The following MYT1L variants were observed in gnomAD, a reference collection of about 807,000 sequenced individuals.
The protein encoded by MYT1L is myelin transcription factor 1-like protein.
In MYT1L, 12 loss-of-function variants were observed where a neutral mutation model predicts 126.7. That is an observed-to-expected ratio of 0.09 (90% CI 0.06 to 0.15). The LOEUF is 0.15. Ranked by LOEUF, MYT1L falls within the 10% of genes least tolerant of loss-of-function variation. The pLI is 1.00. For missense variants in MYT1L, 979 were observed against 1,585.2 expected, an observed-to-expected ratio of 0.62 and a Z score of 6.49; for synonymous variants, 541 against 604.2, an observed-to-expected ratio of 0.90 and a Z score of 1.53.
chr2:1,817,125 A>G (rs2037782721), intron 21 of MYT1L: 1 of 152,248 alleles, frequency 6.6e-6, no homozygotes, highest in African/African-American at 2.4e-5. Flanking sequence ...CTTGATTACA[A>G]AGTTCCTTAT....
At chr2:2,124,064 C>T (rs991368474) in intron 3 of MYT1L, among the ~76,000 whole-genome samples, 1 of 152,158 alleles carries the variant, frequency 6.6e-6, no homozygotes, top group Non-Finnish European at 1.5e-5. Context: ...CCAATGTTAC[C>T]GCAGATGTAG....
chr2:1,854,109 G>C (rs1056245476), intron 18 of MYT1L, among the ~76,000 whole-genome samples: 1 of 151,826 alleles, frequency 6.6e-6, no homozygotes, highest in Non-Finnish European at 1.5e-5. Flanking sequence ...AAGAACACTG[G>C]ATTAATAAAA....
intron 8 of MYT1L, among the ~76,000 whole-genome samples, chr2:1,946,209 C>G (rs1292942678): frequency 1.3e-5 from 2 of 151,882 alleles, no homozygotes; most frequent in Non-Finnish European, 2.9e-5. Context: ...TGATCTGTCA[C>G]TGTCTCCCAT....
At chr2:1,906,507 A>C (rs1472285244) in intron 13 of MYT1L, among the ~76,000 whole-genome samples, 1 of 152,182 alleles carries the variant, frequency 6.6e-6, no homozygotes, top group Non-Finnish European at 1.5e-5. Flanking sequence ...TTTTTTAAGA[A>C]AAGAAAGTCA....
chr2:1,886,663 A>T, intron 17 of MYT1L, 56 bp from the exon 18 acceptor site: 1 of 1,216,394 alleles, frequency 8.2e-7, no homozygotes, highest in Non-Finnish European at 1.1e-6. Flanking sequence ...GTAACTCCCA[A>T]ACAAACACAA....
intron 8 of MYT1L, among the ~76,000 whole-genome samples, chr2:1,951,416 A>C (rs573522893): frequency 6.6e-6 from 1 of 152,126 alleles, no homozygotes; most frequent in Non-Finnish European, 1.5e-5. Context: ...GACACAACCC[A>C]CAGACCCTCA....
At chr2:1,968,180 T>C (rs937182115) in intron 8 of MYT1L, among the ~76,000 whole-genome samples, 21 of 152,096 alleles carry the variant, frequency 1.4e-4, no homozygotes, top group Non-Finnish European at 2.5e-4. Context: ...CCCGTTGAGG[T>C]TGGACTAAAG....
intron 23 of MYT1L, among the ~76,000 whole-genome samples, chr2:1,799,996 C>T (rs559260351): frequency 2.0e-5 from 3 of 152,330 alleles, no homozygotes; most frequent in Non-Finnish European, 4.4e-5. Flanking sequence ...TTTCCTGAGG[C>T]CTCCCCAGCC....
At chr2:1,817,223 G>A (rs150978787) in intron 21 of MYT1L, among the ~76,000 whole-genome samples, 13 of 152,326 alleles carry the variant, frequency 8.5e-5, no homozygotes, top group East Asian at 5.8e-4. Context: ...AGTTATGTGC[G>A]GTTAATTAAG....
At chr2:2,135,890 T>C (rs1044181156) in intron 3 of MYT1L, among the ~76,000 whole-genome samples, 3 of 152,202 alleles carry the variant, frequency 2.0e-5, no homozygotes, top group Non-Finnish European at 4.4e-5. Context: ...TCGGGTCTCT[T>C]AAGAAAACGT....
rs1366690168 is a variant in MYT1L, at chr2:2,250,508, G to T, written c.-421+33896C>A. Among the ~76,000 whole-genome samples, 6 of 151,210 alleles carry T rather than the reference G, an allele frequency of 4.0e-5. No individual in the cohort carries two copies. In the East Asian group the frequency reaches 5.8e-4, roughly 15 times the overall value. On this transcript the variant is annotated intron_variant, in intron 2 of 24. Coordinates refer to ENST00000647738, the MANE Select transcript of MYT1L (RefSeq NM_001303052.2). Reference sequence around the variant, plus strand: ...GAAAATAGAAGGAATGTTACCAGAGGCTGGGACAGTAGTAAGGGGCCAGGC... The same window carrying T: ...GAAAATAGAAGGAATGTTACCAGAGTCTGGGACAGTAGTAAGGGGCCAGGC...
At chr2:2,180,686 G>C (rs960192779) in intron 2 of MYT1L, among the ~76,000 whole-genome samples, 4 of 149,794 alleles carry the variant, frequency 2.7e-5, no homozygotes, top group Non-Finnish European at 5.9e-5. Flanking sequence ...GTGTGTTTTT[G>C]TATGTACCTG....
rs1280023008 is a variant in MYT1L, at chr2:2,206,209, C to A, written c.-420-33221G>T. Among the ~76,000 whole-genome samples the A allele has an allele frequency of 2.0e-5, 3 of 152,252 alleles. No individual in the cohort carries two copies. In the East Asian group the frequency reaches 5.8e-4, roughly 29 times the overall value. ...GCCAGGCTGGTTTCGAACTCCCGAT[C>A]TCAGATGATCCACTGGCCTCTGCCT... On this transcript the variant is annotated intron_variant, in intron 2 of 24. Transcript: ENST00000647738.
chr2:2,185,789 G>C (rs1342204526), intron 2 of MYT1L, among the ~76,000 whole-genome samples: 1 of 117,322 alleles, frequency 8.5e-6, no homozygotes, highest in Non-Finnish European at 1.7e-5. Flanking sequence ...GGACGCAGCC[G>C]GGCCTTCCGG....
At chr2:1,907,208 A>G (rs1236162309) in intron 13 of MYT1L, among the ~76,000 whole-genome samples, 1 of 151,832 alleles carries the variant, frequency 6.6e-6, no homozygotes, top group Non-Finnish European at 1.5e-5. Flanking sequence ...TCTGGAGAAG[A>G]GAGAACACTC....
intron 2 of MYT1L, among the ~76,000 whole-genome samples, chr2:2,242,654 A>T (rs780176697): frequency 8.5e-5 from 13 of 152,202 alleles, no homozygotes; most frequent in Non-Finnish European, 1.8e-4. Flanking sequence ...CAATCCCATG[A>T]GACTGTGTAT....
chr2:1,900,946 C>T (rs1332555688), intron 14 of MYT1L, among the ~76,000 whole-genome samples: 1 of 152,212 alleles, frequency 6.6e-6, no homozygotes, highest in Non-Finnish European at 1.5e-5. Context: ...GTGATGGCGC[C>T]ACAGAGTGCG....
chr2:2,019,246 A>G (rs2064775352), intron 4 of MYT1L, among the ~76,000 whole-genome samples: 1 of 151,960 alleles, frequency 6.6e-6, no homozygotes, highest in African/African-American at 2.4e-5. Flanking sequence ...GACAGTGAGT[A>G]AGTCTGATAA....
chr2:2,022,579 C>A (rs1558766851), intron 4 of MYT1L, among the ~76,000 whole-genome samples: 2 of 151,984 alleles, frequency 1.3e-5, no homozygotes, highest in South Asian at 4.2e-4. Context: ...ACAGATAACA[C>A]CCTAAGTCAA....
Sources: gnomAD v4.1 joint callset for allele counts (sites outside exome capture counted in the v4.1 genomes callset) on GRCh38, gnomAD v4.1.1 for gene constraint, MANE v1.5 for transcripts, NCBI Gene and HGNC (gene_info 2026-07-23, HGNC 2026-07-21) for gene names.